The following DPYD variants were observed in gnomAD, a reference collection of about 807,000 sequenced individuals.
DPYD encodes the protein dihydropyrimidine dehydrogenase [NADP(+)].
Under a neutral mutation model 116.2 loss-of-function variants are expected in DPYD, and 109 were observed. That is an observed-to-expected ratio of 0.94 (90% CI 0.80 to 1.10). The LOEUF (loss-of-function observed/expected upper bound fraction) is 1.10. Ranked by LOEUF, DPYD falls within the 50% of genes least tolerant of loss-of-function variation. The pLI, the probability that DPYD is intolerant of heterozygous loss-of-function variation, is 0.00. For missense variants in DPYD, 1,302 were observed against 1,254.5 expected, an observed-to-expected ratio of 1.04 and a Z score of -0.57; for synonymous variants, 440 against 432.0, an observed-to-expected ratio of 1.02 and a Z score of -0.23.
At chr1:97,883,175 C>T in intron 2 of DPYD, 89 bp downstream of exon 2, 2 of 827,062 alleles carry the variant, frequency 2.4e-6, no homozygotes, top group Admixed American at 2.0e-5. Flanking sequence ...TACTTTAATA[C>T]CTTATTTCTA....
intron 19 of DPYD, among the ~76,000 whole-genome samples, chr1:97,214,632 G>A (rs575784806): frequency 6.6e-6 from 1 of 152,306 alleles, no homozygotes; most frequent in South Asian, 2.1e-4. Flanking sequence ...CTCTCCAGAA[G>A]GATGAACTTC....
Position 97,566,415 on chromosome 1 carries a change from A to C in DPYD, c.1339+7345T>G, listed in dbSNP as rs1488818789. On this transcript the variant is annotated intron_variant, in intron 11 of 22. Transcript: ENST00000370192. ...ATATAAATAAGGAAAATCCTAATGC[A>C]AGTTATTGTATTGTATCCAGTGTAT... 3.3e-5 allele frequency among the ~76,000 whole-genome samples: 5 copies of C among 152,280 alleles called. No homozygotes were observed. The East Asian group carries it at 9.6e-4, about 29-fold the overall frequency.
At chr1:97,561,625 GC>G (rs1173145189) in intron 11 of DPYD, among the ~76,000 whole-genome samples, 2 of 152,090 alleles carry the variant, frequency 1.3e-5, no homozygotes, top group African/African-American at 4.8e-5. Flanking sequence ...TAATCTACGT[GC>G]CTCTTTAGAT....
intron 20 of DPYD, among the ~76,000 whole-genome samples, chr1:97,161,637 T>C (rs1236480601): frequency 1.3e-5 from 2 of 151,444 alleles, no homozygotes; most frequent in African/African-American, 4.9e-5. Context: ...TAGTTACATA[T>C]GTATACATGT....
chr1:97,479,146 A>C (rs1417420067), intron 13 of DPYD, among the ~76,000 whole-genome samples: 2 of 152,096 alleles, frequency 1.3e-5, no homozygotes, highest in Non-Finnish European at 2.9e-5. Context: ...GGCACTTTTA[A>C]TTTCCTTCAA....
intron 12 of DPYD, among the ~76,000 whole-genome samples, chr1:97,539,686 GT>G (rs941929301): frequency 1.4e-4 from 21 of 152,242 alleles, no homozygotes; most frequent in Middle Eastern, 3.4e-3. Flanking sequence ...AGTTAGTTTT[GT>G]GATTATAATT....
At chr1:97,319,132 A>T (rs962951643) in intron 16 of DPYD, among the ~76,000 whole-genome samples, 1 of 132,666 alleles carries the variant, frequency 7.5e-6, no homozygotes, top group African/African-American at 3.0e-5. Context: ...GAAAGCAGGA[A>T]AGATCCAAAA....
At chr1:97,241,892 A>C (rs1662358908) in intron 18 of DPYD, among the ~76,000 whole-genome samples, 1 of 151,596 alleles carries the variant, frequency 6.6e-6, no homozygotes, top group Non-Finnish European at 1.5e-5. Context: ...TTGATCAGAA[A>C]AATAAACATT....
intron 3 of DPYD, among the ~76,000 whole-genome samples, chr1:97,748,378 G>C (rs1027844660): frequency 4.6e-5 from 7 of 152,122 alleles, no homozygotes; most frequent in East Asian, 1.9e-4. Context: ...GGAGGCCACG[G>C]CGGGCGGATC....
chr1:97,407,844 G>A (rs1241758888), intron 14 of DPYD, among the ~76,000 whole-genome samples: 4 of 152,100 alleles, frequency 2.6e-5, no homozygotes, highest in African/African-American at 9.7e-5. Context: ...TACTTCCAGA[G>A]GAAATAATGC....
intron 14 of DPYD, among the ~76,000 whole-genome samples, chr1:97,431,788 C>T (rs1462803174): frequency 6.6e-6 from 1 of 151,950 alleles, no homozygotes; most frequent in Non-Finnish European, 1.5e-5. Context: ...TATTACTGAA[C>T]ACTAGTTCTT....
intron 12 of DPYD, among the ~76,000 whole-genome samples, chr1:97,540,415 T>G (rs1005973030): frequency 2.0e-5 from 3 of 152,036 alleles, no homozygotes; most frequent in Non-Finnish European, 2.9e-5. Flanking sequence ...TTTACTAGTT[T>G]ATTACAAAGA....
intron 20 of DPYD, among the ~76,000 whole-genome samples, chr1:97,101,445 G>A (rs978171061): frequency 7.6e-6 from 1 of 131,814 alleles, no homozygotes; most frequent in Non-Finnish European, 1.5e-5. Flanking sequence ...CTACATTTAG[G>A]CATACATTTG....
intron 1 of DPYD, among the ~76,000 whole-genome samples, chr1:97,904,748 T>C (rs963102385): frequency 1.7e-4 from 26 of 152,050 alleles, no homozygotes; most frequent in African/African-American, 6.0e-4. Flanking sequence ...GTATCTCCCA[T>C]GTACTTGTGA....
At chr1:97,202,072 A>G (rs1470678472) in intron 19 of DPYD, among the ~76,000 whole-genome samples, 1 of 152,242 alleles carries the variant, frequency 6.6e-6, no homozygotes, top group East Asian at 1.9e-4. Flanking sequence ...TCTGGCTTTG[A>G]GTTCAGTTGT....
chr1:97,228,985 C>T (rs767262285), intron 19 of DPYD, among the ~76,000 whole-genome samples: 21 of 151,892 alleles, frequency 1.4e-4, no homozygotes, highest in Non-Finnish European at 2.6e-4. Context: ...ATCACGAGGT[C>T]AGGAGATTGA....
At chr1:97,500,184 A>T (rs956123276) in intron 13 of DPYD, among the ~76,000 whole-genome samples, 1 of 151,998 alleles carries the variant, frequency 6.6e-6, no homozygotes, top group Non-Finnish European at 1.5e-5. Flanking sequence ...AAGGCACTCA[A>T]ATTTTACAGG....
intron 8 of DPYD, among the ~76,000 whole-genome samples, chr1:97,666,615 AT>A (rs1659575894): frequency 6.6e-6 from 1 of 152,220 alleles, no homozygotes; most frequent in Admixed American, 6.5e-5. Context: ...TTTAAAAAAA[AT>A]AACACAAGCA....
intron 2 of DPYD, among the ~76,000 whole-genome samples, chr1:97,883,059 T>G (rs1399342589): frequency 6.6e-6 from 1 of 152,084 alleles, no homozygotes; most frequent in African/African-American, 2.4e-5. Context: ...ACTCAACCTG[T>G]ATATAATTTG....
Sources: allele counts gnomAD v4.1 joint callset (sites outside exome capture counted in the v4.1 genomes callset), GRCh38; gene constraint gnomAD v4.1.1; transcripts MANE v1.5; gene names NCBI Gene and HGNC (gene_info 2026-07-23, HGNC 2026-07-21).